The following SCD5 variants were observed in gnomAD, a reference collection of about 807,000 sequenced individuals.
SCD5 encodes stearoyl-CoA desaturase 5.
In SCD5, 20 loss-of-function variants were observed where a neutral mutation model predicts 30.4. The observed-to-expected ratio is 0.66, with a 90% CI of 0.46 to 0.96. The LOEUF (loss-of-function observed/expected upper bound fraction) is 0.96. Ranked by LOEUF, SCD5 falls within the 40% of genes least tolerant of loss-of-function variation. The pLI is 0.00. For synonymous variants in SCD5, 173 were observed against 176.4 expected (o/e 0.98, Z 0.16); for missense variants, 381 against 443.3 (o/e 0.86, Z 1.26).
At chr4:82,654,988 G>A (rs189993883) in intron 3 of SCD5, among the ~76,000 whole-genome samples, 53 of 152,298 alleles carry the variant, frequency 3.5e-4, no homozygotes, top group African/African-American at 1.2e-3. Context: ...AAGAATGAGA[G>A]CCGTCAAGAG....
chr4:82,701,050 T>C (rs932706059), intron 2 of SCD5, among the ~76,000 whole-genome samples: 6 of 152,194 alleles, frequency 3.9e-5, no homozygotes, highest in Non-Finnish European at 7.3e-5. Context: ...TTATAGCTTA[T>C]GGATACGTAA....
rs765340721 is a variant in SCD5 at position 82,798,328 on chromosome 4, G to C, written c.210C>G (p.Ala70=). The C allele has an allele frequency of 5.6e-6, 9 of 1,611,278 alleles. No individual in the cohort carries two copies. The highest frequency in any genetic ancestry group is 7.6e-6 in the Non-Finnish European group (9 of 1,178,970). The change falls in exon 1 of 5, where the codon GCC becomes GCG. Residue 70 remains alanine (A), a synonymous_variant. Coordinates refer to ENST00000319540, the MANE Select transcript of SCD5 (RefSeq NM_001037582.3). Reference sequence around the variant, plus strand: ...TACCCCAGAGCAGAGTGAGTGGCTTGGCTTTGGGGATGAGCACCAGGGAGT... The same window carrying C: ...TACCCCAGAGCAGAGTGAGTGGCTTCGCTTTGGGGATGAGCACCAGGGAGT... ...AVYSLVLIPK[A]KPLTLLWAYF... is the part of the protein sequence containing the mutation.
intron 2 of SCD5, among the ~76,000 whole-genome samples, chr4:82,697,866 A>T (rs181470908): frequency 5.3e-4 from 81 of 152,342 alleles, no homozygotes; most frequent in African/African-American, 1.9e-3. Context: ...ATGGAATGAC[A>T]ATGCTTTAAT....
At chr4:82,797,596 G>T (rs148059532) in intron 1 of SCD5, among the ~76,000 whole-genome samples, 164 of 152,152 alleles carry the variant, frequency 1.1e-3, no homozygotes, top group African/African-American at 3.6e-3. Flanking sequence ...TTTGGAGAAG[G>T]CTCTGCACAG....
chr4:82,664,171 T>C (rs969462454), intron 3 of SCD5, among the ~76,000 whole-genome samples: 1 of 152,140 alleles, frequency 6.6e-6, no homozygotes, highest in African/African-American at 2.4e-5. Context: ...AAAACTCCTC[T>C]GGCACATCAG....
At chr4:82,785,913 G>A (rs893436206) in intron 1 of SCD5, among the ~76,000 whole-genome samples, 3 of 152,212 alleles carry the variant, frequency 2.0e-5, no homozygotes, top group African/African-American at 2.4e-5. Flanking sequence ...GTCATAGGCT[G>A]AGAACAGAGA....
chr4:82,633,698 C>T (rs1243550082), intron 4 of SCD5, among the ~76,000 whole-genome samples: 2 of 152,218 alleles, frequency 1.3e-5, no homozygotes, highest in African/African-American at 4.8e-5. Flanking sequence ...GGTAATATCT[C>T]ATTGTGGTTT....
intron 3 of SCD5, among the ~76,000 whole-genome samples, chr4:82,678,414 T>C (rs1366427634): frequency 6.6e-6 from 1 of 152,244 alleles, no homozygotes; most frequent in Non-Finnish European, 1.5e-5. Flanking sequence ...TCCATTTTTA[T>C]GGTCAGAGAA....
intron 1 of SCD5, among the ~76,000 whole-genome samples, chr4:82,744,278 T>C (rs1445432410): frequency 1.3e-5 from 2 of 152,214 alleles, no homozygotes; most frequent in African/African-American, 4.8e-5. Flanking sequence ...CGGTTACCCA[T>C]ATTTCTTTTT....
intron 2 of SCD5, among the ~76,000 whole-genome samples, chr4:82,689,075 AATG>A (rs1164257354): frequency 6.6e-6 from 1 of 152,224 alleles, no homozygotes; most frequent in Non-Finnish European, 1.5e-5. Context: ...CCTAGAAAAC[AATG>A]ATAACCCAAT....
chr4:82,654,060 G>C (rs115844322), intron 3 of SCD5, among the ~76,000 whole-genome samples: 27,891 of 151,874 alleles, frequency 0.18, 2,703 homozygotes, highest in East Asian at 0.37. Context: ...TGGGATTACA[G>C]GTGTCTGCCA....
At chr4:82,638,805 A>C (rs1319514768) in intron 3 of SCD5, among the ~76,000 whole-genome samples, 2 of 152,238 alleles carry the variant, frequency 1.3e-5, no homozygotes, top group Non-Finnish European at 2.9e-5. Flanking sequence ...TGTGAGGATC[A>C]AATACTAACA....
chr4:82,785,243 G>T (rs1398239893), intron 1 of SCD5, among the ~76,000 whole-genome samples: 3 of 152,194 alleles, frequency 2.0e-5, no homozygotes, highest in Non-Finnish European at 4.4e-5. Context: ...GATACAAGAA[G>T]AGCTCTCTGC....
At position 82,634,493 on chromosome 4, in the gene SCD5, C is replaced by CCT. The variant is rs1553913492; in HGVS notation, c.802+2097_802+2098insAG. On this transcript the variant is annotated intron_variant, in intron 4 of 4. Coordinates refer to ENST00000319540, the MANE Select transcript of SCD5 (RefSeq NM_001037582.3). ...CTACCCTGCACACCACCTCCCCCCC[C>CCT]CATCATTTTTAGTGTTTTTCCTGGA... 3.9e-4 allele frequency among the ~76,000 whole-genome samples: 60 copies of CCT among 152,058 alleles called. No individual in the cohort carries two copies. In the East Asian group the frequency reaches 7.4e-3, roughly 19 times the overall value.
intron 1 of SCD5, among the ~76,000 whole-genome samples, chr4:82,784,858 G>A (rs925092314): frequency 1.4e-4 from 21 of 152,236 alleles, no homozygotes; most frequent in African/African-American, 5.1e-4. Context: ...GCAGATTTAA[G>A]CCCTGCAGCT....
chr4:82,668,898 G>A (rs561044198), intron 3 of SCD5, among the ~76,000 whole-genome samples: 2 of 152,290 alleles, frequency 1.3e-5, no homozygotes, highest in South Asian at 2.1e-4. Context: ...TCTCCTTTGA[G>A]ATGATTTCTA....
chr4:82,688,315 T>G (rs573584305), intron 2 of SCD5, among the ~76,000 whole-genome samples: 8 of 152,052 alleles, frequency 5.3e-5, no homozygotes, highest in African/African-American at 1.9e-4. Flanking sequence ...TGCGTGCGTG[T>G]GGTGTGTGTG....
At chr4:82,683,072 G>A (rs1243243078) in intron 2 of SCD5, among the ~76,000 whole-genome samples, 1 of 152,146 alleles carries the variant, frequency 6.6e-6, no homozygotes, top group Non-Finnish European at 1.5e-5. Flanking sequence ...GGGTTTTGGG[G>A]GAGAGAAAAA....
At chr4:82,642,786 T>G (rs1727571291) in intron 3 of SCD5, among the ~76,000 whole-genome samples, 1 of 152,242 alleles carries the variant, frequency 6.6e-6, no homozygotes, top group South Asian at 2.1e-4. Flanking sequence ...GCAGACCAAG[T>G]GAATCAGAAT....
Sources: allele counts gnomAD v4.1 joint callset (sites outside exome capture counted in the v4.1 genomes callset), GRCh38; gene constraint gnomAD v4.1.1; transcripts MANE v1.5; gene names NCBI Gene and HGNC (gene_info 2026-07-23, HGNC 2026-07-21).